The following LRTM3 variants were observed in gnomAD, a reference collection of about 807,000 sequenced individuals.
LRTM3 encodes leucine rich repeat transmembrane protein 3.
chr13:102,730,795 C>T, the LRTM3 span: 5 of 1,551,400 alleles, frequency 3.2e-6, no homozygotes, highest in Admixed American at 2.0e-5. Flanking sequence ...GCTTAGGGAA[C>T]GTACTTCCAA....
the LRTM3 span, chr13:102,741,439 T>C: frequency 6.5e-7 from 1 of 1,550,146 alleles, no homozygotes; most frequent in Non-Finnish European, 8.7e-7. Flanking sequence ...TACAAAGAAA[T>C]TTCTGTCCTT....
the LRTM3 span, chr13:102,735,635 A>C: frequency 6.4e-7 from 1 of 1,551,180 alleles, no homozygotes; most frequent in Non-Finnish European, 8.7e-7. Context: ...TTTGTCTTCC[A>C]TATCTATTCT....
the LRTM3 span, chr13:102,743,536 T>C: frequency 1.9e-6 from 3 of 1,548,880 alleles, 1 homozygote; most frequent in South Asian, 3.6e-5. Flanking sequence ...TGGGATTCAA[T>C]ATAATTTTCC....
chr13:102,743,116 A>G, the LRTM3 span: 2 of 1,550,438 alleles, frequency 1.3e-6, no homozygotes, highest in Non-Finnish European at 1.7e-6. Flanking sequence ...AGTTTTCTGC[A>G]TAGAATGGAT....
the LRTM3 span, among the ~76,000 whole-genome samples, chr13:102,752,205 C>T: frequency 1.1e-4 from 16 of 152,134 alleles, no homozygotes; most frequent in Admixed American, 3.3e-4. Flanking sequence ...ACTCCACCCT[C>T]GGATCATGCT....
At chr13:102,748,471 C>T in the LRTM3 span, 5 of 1,551,106 alleles carry the variant, frequency 3.2e-6, no homozygotes, top group East Asian at 4.9e-5. Flanking sequence ...AGCACCTTTG[C>T]GTTTTTGGTG....
chr13:102,739,491 A>G, the LRTM3 span: 2 of 1,550,538 alleles, frequency 1.3e-6, no homozygotes, highest in East Asian at 2.4e-5. Context: ...CTTGAATTTG[A>G]ATTACTATGT....
chr13:102,743,340 C>T, the LRTM3 span: 1 of 1,550,474 alleles, frequency 6.4e-7, no homozygotes, highest in Admixed American at 2.0e-5. Flanking sequence ...CTTTTAATGT[C>T]AGAGGAATCT....
At chr13:102,739,324 T>C in the LRTM3 span, 1 of 1,549,426 alleles carries the variant, frequency 6.5e-7, no homozygotes, top group South Asian at 1.2e-5. Context: ...CTTCCTTCTT[T>C]TTCTGTGGAA....
chr13:102,735,830 T>G, the LRTM3 span: 2 of 1,542,284 alleles, frequency 1.3e-6, no homozygotes, highest in Non-Finnish European at 1.8e-6. Flanking sequence ...CCTTCTAGTG[T>G]CACAATTCAG....
At chr13:102,746,880 A>T in the LRTM3 span, 1 of 1,551,300 alleles carries the variant, frequency 6.4e-7, no homozygotes, top group Non-Finnish European at 8.7e-7. Context: ...GTGCATTTGC[A>T]GTCTGTTTGT....
chr13:102,732,531 A>C, the LRTM3 span: 3 of 1,551,262 alleles, frequency 1.9e-6, no homozygotes, highest in South Asian at 3.6e-5. Flanking sequence ...CTTTGAAATA[A>C]TTTTTGTAGT....
chr13:102,749,072 T>G, the LRTM3 span: 1 of 1,550,400 alleles, frequency 6.4e-7, no homozygotes, highest in South Asian at 1.2e-5. Context: ...AGAAATAAGA[T>G]GCAAAGCTAT....
chr13:102,747,977 CATT>C, the LRTM3 span: 1 of 1,551,126 alleles, frequency 6.4e-7, no homozygotes, highest in Non-Finnish European at 8.7e-7. Flanking sequence ...CTTTCTATCA[CATT>C]GTTGTGGCTT....
chr13:102,731,228 G>T, the LRTM3 span: 1 of 1,551,386 alleles, frequency 6.4e-7, no homozygotes, highest in Non-Finnish European at 8.7e-7. Flanking sequence ...GCTGGCAAGA[G>T]GTGAATCCTT....
At chr13:102,758,675 A>G in the LRTM3 span, 2 of 1,519,542 alleles carry the variant, frequency 1.3e-6, no homozygotes, top group East Asian at 4.9e-5. Context: ...AAACTAGGAA[A>G]AGGGGAAATC....
the LRTM3 span, chr13:102,744,592 A>T: frequency 3.2e-6 from 5 of 1,550,580 alleles, no homozygotes; most frequent in Non-Finnish European, 4.4e-6. Context: ...GCACTATGTG[A>T]GACAAATTCC....
At chr13:102,744,861 G>C in the LRTM3 span, 1 of 1,550,520 alleles carries the variant, frequency 6.4e-7, no homozygotes, top group Non-Finnish European at 8.7e-7. Flanking sequence ...ACAGTTGCTT[G>C]TAGATCTTTA....
the LRTM3 span, among the ~76,000 whole-genome samples, chr13:102,753,509 G>T: frequency 7.7e-6 from 1 of 130,614 alleles, no homozygotes; most frequent in African/African-American, 2.8e-5. Flanking sequence ...AAAAAAAAAA[G>T]AAAAGAAAAA....
Sources: gnomAD v4.1 joint callset for allele counts (sites outside exome capture counted in the v4.1 genomes callset) on GRCh38, gnomAD v4.1.1 for gene constraint, MANE v1.5 for transcripts, NCBI Gene and HGNC (gene_info 2026-07-23, HGNC 2026-07-21) for gene names.